Variants in SDC2 observed in about 807,000 individuals in gnomAD.
SDC2 encodes syndecan 2, also known as syndecan-2.
Under a neutral mutation model 22.2 loss-of-function variants are expected in SDC2, and 13 were observed. That is an observed-to-expected ratio of 0.59 (90% CI 0.38 to 0.93). The LOEUF is 0.93. Among genes scored for constraint, SDC2 ranks in the 40% least tolerant of loss-of-function variants. SDC2 has a pLI of 0.00. For missense variants in SDC2, 235 were observed against 246.8 expected, an observed-to-expected ratio of 0.95 and a Z score of 0.32; for synonymous variants, 94 against 92.8, an observed-to-expected ratio of 1.01 and a Z score of -0.07.
At chr8:96,541,987 A>T (rs369535961) in intron 1 of SDC2, among the ~76,000 whole-genome samples, 1 of 152,182 alleles carries the variant, frequency 6.6e-6, no homozygotes, top group African/African-American at 2.4e-5. Flanking sequence ...TGAGCATGTG[A>T]TGCTGCTGGA....
chr8:96,601,640 CAAAAAAAAAA>C (rs749025894), intron 2 of SDC2, among the ~76,000 whole-genome samples: 2 of 66,694 alleles, frequency 3.0e-5, no homozygotes, highest in African/African-American at 6.1e-5. Flanking sequence ...ACTCCATCTC[CAAAAAAAAAA>C]AAAAAAAAAG....
chr8:96,551,651 T>C (rs1814029584), intron 1 of SDC2, among the ~76,000 whole-genome samples: 1 of 152,112 alleles, frequency 6.6e-6, no homozygotes, highest in Non-Finnish European at 1.5e-5. Flanking sequence ...TTCAGGGTGG[T>C]TAATTTTGGA....
chr8:96,554,126 G>T (rs996120832), intron 1 of SDC2, among the ~76,000 whole-genome samples: 2 of 152,036 alleles, frequency 1.3e-5, no homozygotes, highest in African/African-American at 4.8e-5. Flanking sequence ...TGTCTGTCTG[G>T]TTTGGACTTA....
At chr8:96,589,386 TTTTGTTTGTTTG>T (rs142470441) in intron 1 of SDC2, among the ~76,000 whole-genome samples, 9 of 150,832 alleles carry the variant, frequency 6.0e-5, no homozygotes, top group East Asian at 2.0e-4. Context: ...AGGACTTTTG[TTTTGTTTGTTTG>T]TTTGTTTGTT....
intron 2 of SDC2, 133 bp from the exon 3 acceptor site, chr8:96,602,262 G>T: frequency 1.1e-6 from 1 of 877,908 alleles, no homozygotes; most frequent in Non-Finnish European, 1.8e-6. Flanking sequence ...GAAGCTTTGT[G>T]CTGAAGTCTT....
rs183333784 is a variant in SDC2 at position 96,605,932 on chromosome 8, G to A, written c.307-2403G>A. ...ACTTGCACAGCCCAAGAAGGTGTGAGGTCTTTTCTTCTTACACTCTTTAAG... is the reference window on the plus strand; with the variant it reads ...ACTTGCACAGCCCAAGAAGGTGTGAAGTCTTTTCTTCTTACACTCTTTAAG... On this transcript the variant is annotated intron_variant, in intron 3 of 4. Transcript: ENST00000302190. Among the ~76,000 whole-genome samples the A allele has an allele frequency of 2.5e-3, 384 of 152,268 alleles. 3 individuals carry two copies. Among genetic ancestry groups the A allele is most frequent in the Non-Finnish European group, 4.3e-3 (290 of 68,004 alleles).
chr8:96,498,211 A>T (rs747621714), intron 1 of SDC2, among the ~76,000 whole-genome samples: 3 of 152,170 alleles, frequency 2.0e-5, no homozygotes, highest in Non-Finnish European at 4.4e-5. Flanking sequence ...CTTGAGGTAA[A>T]GCAGTGAGCA....
intron 1 of SDC2, among the ~76,000 whole-genome samples, chr8:96,583,711 GTGTGTGTA>G (rs1322672207): frequency 3.8e-5 from 5 of 132,030 alleles, no homozygotes; most frequent in Admixed American, 7.7e-5. Context: ...GTGTGTGTGT[GTGTGTGTA>G]TATATATATA....
intron 1 of SDC2, among the ~76,000 whole-genome samples, chr8:96,558,504 A>G (rs1422226995): frequency 6.6e-6 from 1 of 152,204 alleles, no homozygotes; most frequent in Non-Finnish European, 1.5e-5. Flanking sequence ...TCTCATAACT[A>G]AATGTCTATA....
chr8:96,579,566 T>C (rs893242015), intron 1 of SDC2, among the ~76,000 whole-genome samples: 2 of 152,258 alleles, frequency 1.3e-5, no homozygotes, highest in Non-Finnish European at 2.9e-5. Context: ...GAATTGATAC[T>C]TTTCTCTAAG....
chr8:96,601,656 A>G (rs958970224), intron 2 of SDC2, among the ~76,000 whole-genome samples: 2 of 151,650 alleles, frequency 1.3e-5, no homozygotes, highest in East Asian at 1.9e-4. Flanking sequence ...AAAAAAAAAA[A>G]AAAGAAACAA....
intron 1 of SDC2, among the ~76,000 whole-genome samples, chr8:96,580,007 T>C (rs887468752): frequency 6.6e-6 from 1 of 152,224 alleles, no homozygotes; most frequent in Non-Finnish European, 1.5e-5. Flanking sequence ...CCCAGCACGA[T>C]TGATTATAGC....
At chr8:96,584,501 C>T (rs1479696942) in intron 1 of SDC2, among the ~76,000 whole-genome samples, 1 of 152,218 alleles carries the variant, frequency 6.6e-6, no homozygotes, top group Non-Finnish European at 1.5e-5. Flanking sequence ...TTTACAAACA[C>T]TTCTGAATAC....
At chr8:96,578,813 A>C (rs777337758) in intron 1 of SDC2, among the ~76,000 whole-genome samples, 2 of 152,218 alleles carry the variant, frequency 1.3e-5, no homozygotes, top group African/African-American at 4.8e-5. Flanking sequence ...AAAGAAAGAA[A>C]GAAAAGAAAA....
At chr8:96,607,217 C>G (rs1418254572) in intron 3 of SDC2, among the ~76,000 whole-genome samples, 4 of 149,460 alleles carry the variant, frequency 2.7e-5, no homozygotes, top group African/African-American at 9.8e-5. Flanking sequence ...TGGAAATGAC[C>G]TCACAGGGTT....
intron 1 of SDC2, among the ~76,000 whole-genome samples, chr8:96,555,830 G>A (rs930970002): frequency 6.6e-6 from 1 of 152,054 alleles, no homozygotes; most frequent in Non-Finnish European, 1.5e-5. Flanking sequence ...AGTGCAAGTT[G>A]GGGCACCCAT....
chr8:96,544,071 T>C (rs1166974921), intron 1 of SDC2, among the ~76,000 whole-genome samples: 1 of 152,224 alleles, frequency 6.6e-6, no homozygotes, highest in East Asian at 1.9e-4. Context: ...ACCCATGATA[T>C]TGACTTGTAG....
In SDC2 at chr8:96,602,527, AG is replaced by A. The variant is rs1468131022; in HGVS notation, c.306+1del. 6.2e-7 allele frequency: 1 copy of A among 1,614,118 alleles called. No homozygotes were observed. On this transcript the variant is annotated frameshift_variant and splice_region_variant, in exon 3 of 5. Transcript: ENST00000302190. LOFTEE classifies it high-confidence loss of function. The stretch of plus-strand genomic sequence containing the variant: ...CAGAACAAGATACCTGCTCAGACAA[AG>A]GTGCGTTCTATTTTCCATTGCATTG... ...NIQNKIPAQT[K>X]SPEETDKEKV...
At chr8:96,601,159 GTTC>G (rs1814975152) in intron 2 of SDC2, among the ~76,000 whole-genome samples, 1 of 152,182 alleles carries the variant, frequency 6.6e-6, no homozygotes, top group African/African-American at 2.4e-5. Context: ...GTGCTAGGAA[GTTC>G]TTCTACTAGA....
Sources: gnomAD v4.1 joint callset for allele counts (sites outside exome capture counted in the v4.1 genomes callset) on GRCh38, gnomAD v4.1.1 for gene constraint, MANE v1.5 for transcripts, NCBI Gene and HGNC (gene_info 2026-07-23, HGNC 2026-07-21) for gene names.